The following FGGY variants were observed in gnomAD, a reference collection of about 807,000 sequenced individuals.
The protein encoded by FGGY is FGGY carbohydrate kinase domain-containing protein.
A neutral mutation model predicts 71.3 loss-of-function variants in FGGY; 72 were observed. The ratio of observed to expected loss-of-function variants is 1.01; its 90% CI spans 0.84 to 1.23. FGGY has a LOEUF of 1.23. Among genes scored for constraint, FGGY ranks in the 50% most tolerant of loss-of-function variants. FGGY has a pLI of 0.00. For synonymous variants in FGGY, 251 were observed against 250.3 expected (o/e 1.00, Z -0.02); for missense variants, 668 against 682.3 (o/e 0.98, Z 0.23).
intron 6 of FGGY, among the ~76,000 whole-genome samples, chr1:59,511,351 C>T (rs1425766449): frequency 2.0e-5 from 3 of 152,112 alleles, no homozygotes; most frequent in African/African-American, 7.2e-5. Flanking sequence ...GCTGATTATG[C>T]ACCCAGATTC....
chr1:59,362,998 A>G (rs979371145), intron 4 of FGGY, among the ~76,000 whole-genome samples: 1 of 152,212 alleles, frequency 6.6e-6, no homozygotes, highest in Admixed American at 6.5e-5. Flanking sequence ...GGGGAGATAG[A>G]TGAATGAATT....
chr1:59,699,383 T>A, intron 14 of FGGY: 1 of 985,416 alleles, frequency 1.0e-6, no homozygotes, highest in Non-Finnish European at 1.2e-6. Context: ...TTAAATGTAC[T>A]TTTTCTTTTT....
chr1:59,611,318 A>G (rs569267644), intron 9 of FGGY, among the ~76,000 whole-genome samples: 1 of 152,290 alleles, frequency 6.6e-6, no homozygotes, highest in South Asian at 2.1e-4. Context: ...AACAAAGCTT[A>G]CAGAGGAAGG....
At chr1:59,387,901 C>T (rs899946693) in intron 5 of FGGY, among the ~76,000 whole-genome samples, 27 of 152,156 alleles carry the variant, frequency 1.8e-4, no homozygotes, top group Admixed American at 3.9e-4. Flanking sequence ...CTCATACTCC[C>T]TTACAGGTAT....
chr1:59,367,231 A>G (rs1015661357), intron 4 of FGGY, among the ~76,000 whole-genome samples: 20 of 152,192 alleles, frequency 1.3e-4, no homozygotes, highest in Non-Finnish European at 2.9e-4. Flanking sequence ...TGGGAGTTTG[A>G]AACACACAAT....
intron 6 of FGGY, among the ~76,000 whole-genome samples, chr1:59,510,040 C>CTT (rs10608143): frequency 2.8e-4 from 39 of 139,948 alleles, no homozygotes; most frequent in African/African-American, 9.4e-4. Flanking sequence ...TTTCTTTTTT[C>CTT]TTTTTTTTTT....
At chr1:59,670,869 TAACTGTGGTTTC>T (rs1464442920) in intron 13 of FGGY, among the ~76,000 whole-genome samples, 7 of 152,202 alleles carry the variant, frequency 4.6e-5, no homozygotes, top group Non-Finnish European at 8.8e-5. Flanking sequence ...GTCATTTGGT[TAACTGTGGTTTC>T]AAGAAATACT....
At chr1:59,341,212 A>C (rs1404463773) in intron 3 of FGGY, among the ~76,000 whole-genome samples, 1 of 152,208 alleles carries the variant, frequency 6.6e-6, no homozygotes, top group Non-Finnish European at 1.5e-5. Flanking sequence ...AAGAATTTGA[A>C]TGAATCAGTA....
chr1:59,550,717 C>T (rs143371953), intron 7 of FGGY, among the ~76,000 whole-genome samples: 190 of 152,242 alleles, frequency 1.2e-3, no homozygotes, highest in African/African-American at 4.4e-3. Context: ...TAACTCTTAG[C>T]CCATGGCTCT....
rs369613178 is a variant in FGGY at position 59,539,050 on chromosome 1, T to C, written c.800-15074T>C. Among the ~76,000 whole-genome samples, 6 of 152,150 alleles carry C rather than the reference T, an allele frequency of 3.9e-5. No individual in the cohort carries two copies. In the South Asian group the frequency reaches 1.2e-3, roughly 32 times the overall value. ...AGCATGATTTACAATAAAATAAAAATATTAAGTACCTAGGAAGGAAGATGT... is the reference window on the plus strand; with the variant it reads ...AGCATGATTTACAATAAAATAAAAACATTAAGTACCTAGGAAGGAAGATGT... On this transcript the variant is annotated intron_variant, in intron 7 of 15. Transcript: ENST00000303721.
At chr1:59,737,709 G>A (rs979688322) in intron 14 of FGGY, among the ~76,000 whole-genome samples, 9 of 152,224 alleles carry the variant, frequency 5.9e-5, no homozygotes, top group Non-Finnish European at 1.2e-4. Context: ...AGGCTCATAG[G>A]CAGAAGGGAC....
chr1:59,360,719 A>G (rs1016361165), intron 4 of FGGY, among the ~76,000 whole-genome samples: 1 of 152,268 alleles, frequency 6.6e-6, no homozygotes, highest in Non-Finnish European at 1.5e-5. Context: ...TCTATTTTTC[A>G]TATACTTACC....
chr1:59,432,898 G>C (rs2067675447), intron 5 of FGGY, among the ~76,000 whole-genome samples: 1 of 152,136 alleles, frequency 6.6e-6, no homozygotes, highest in Admixed American at 6.5e-5. Flanking sequence ...GTTCTGACTG[G>C]GAGCTCTCTT....
intron 6 of FGGY, among the ~76,000 whole-genome samples, chr1:59,467,827 G>C (rs758210164): frequency 2.0e-5 from 3 of 151,874 alleles, no homozygotes; most frequent in Non-Finnish European, 4.4e-5. Flanking sequence ...GTTAATATAT[G>C]TTTGAATTAA....
intron 5 of FGGY, among the ~76,000 whole-genome samples, chr1:59,395,077 A>G (rs894251538): frequency 2.0e-5 from 3 of 151,998 alleles, no homozygotes; most frequent in East Asian, 3.9e-4. Flanking sequence ...GGGCAGTTAC[A>G]CACTACTGTT....
intron 1 of FGGY, among the ~76,000 whole-genome samples, chr1:59,320,364 T>A (rs777838894): frequency 1.1e-4 from 17 of 152,232 alleles, no homozygotes; most frequent in Non-Finnish European, 1.8e-4. Flanking sequence ...ATTTTCTTTC[T>A]GAAGTTGAAG....
chr1:59,724,470 C>T (rs763786110), intron 14 of FGGY, among the ~76,000 whole-genome samples: 88 of 150,826 alleles, frequency 5.8e-4, no homozygotes, highest in Non-Finnish European at 8.3e-4. Flanking sequence ...GGCAACAGAG[C>T]GAGACTCCAT....
rs529046344 is a variant in FGGY at position 59,650,456 on chromosome 1, A to G, written c.1222-9763A>G. Among the ~76,000 whole-genome samples the G allele has an allele frequency of 1.8e-4, 19 of 108,304 alleles. 1 individual carries two copies. The South Asian group carries it at 5.9e-3, about 34-fold the overall frequency. 71.1% of individuals were successfully genotyped at this position (108,304 alleles called of 152,430 possible). A position where few individuals can be genotyped will look rare whatever the true frequency, so the allele number is the denominator to read the frequency against. On this transcript the variant is annotated intron_variant, in intron 11 of 15. Coordinates refer to ENST00000303721, the MANE Select transcript of FGGY (RefSeq NM_018291.5). The stretch of plus-strand genomic sequence containing the variant: ...TGTTATTGGTCTATTCAGAGATTCA[A>G]CTTCTTCCTGGTTTAGTCTTGGGAA...
intron 6 of FGGY, among the ~76,000 whole-genome samples, chr1:59,460,755 G>A (rs2092126178): frequency 6.6e-6 from 1 of 152,208 alleles, no homozygotes; most frequent in Non-Finnish European, 1.5e-5. Context: ...TTGTTGTTCT[G>A]CAGCCTCCGC....
Sources: gnomAD v4.1 joint callset for allele counts (sites outside exome capture counted in the v4.1 genomes callset) on GRCh38, gnomAD v4.1.1 for gene constraint, MANE v1.5 for transcripts, NCBI Gene and HGNC (gene_info 2026-07-23, HGNC 2026-07-21) for gene names.